Variants in FAF1 observed in about 807,000 individuals in gnomAD.
The protein encoded by FAF1 is Fas associated factor 1, also known as FAS-associated factor 1.
In FAF1, 25 loss-of-function variants were observed where a neutral mutation model predicts 92.5. That is an observed-to-expected ratio of 0.27 (90% CI 0.20 to 0.38). The LOEUF is 0.38. Among genes scored for constraint, FAF1 ranks in the 10% least tolerant of loss-of-function variants. The probability of loss-of-function intolerance (pLI) is 1.00; values close to 1 mark genes in which losing one functional copy is unlikely to be tolerated. For synonymous variants in FAF1, 234 were observed against 273.2 expected (o/e 0.86, Z 1.42); for missense variants, 636 against 793.3 (o/e 0.80, Z 2.38).
intron 9 of FAF1, among the ~76,000 whole-genome samples, chr1:50,588,600 G>A (rs991905819): frequency 6.6e-6 from 1 of 152,062 alleles, no homozygotes; most frequent in Non-Finnish European, 1.5e-5. Flanking sequence ...ACCAAGTGGT[G>A]TGTGTGTGTG....
At chr1:50,768,014 A>G (rs1278893833) in intron 4 of FAF1, among the ~76,000 whole-genome samples, 5 of 152,252 alleles carry the variant, frequency 3.3e-5, no homozygotes, top group Non-Finnish European at 7.3e-5. Context: ...AGTTAGATAC[A>G]GAAGAAAGAC....
chr1:50,599,972 C>G (rs1039198480), intron 8 of FAF1, among the ~76,000 whole-genome samples: 2 of 152,098 alleles, frequency 1.3e-5, no homozygotes, highest in Non-Finnish European at 2.9e-5. Context: ...CTCCAATGAG[C>G]ATTTCCTTTT....
intron 8 of FAF1, among the ~76,000 whole-genome samples, chr1:50,628,189 A>G (rs1408932507): frequency 6.6e-6 from 1 of 152,204 alleles, no homozygotes; most frequent in Non-Finnish European, 1.5e-5. Context: ...TTTCTAGTAC[A>G]ATGAGATCAA....
intron 7 of FAF1, among the ~76,000 whole-genome samples, chr1:50,688,538 C>A (rs576510667): frequency 6.6e-6 from 1 of 152,144 alleles, no homozygotes; most frequent in Admixed American, 6.6e-5. Flanking sequence ...TCCGGCCAGG[C>A]GCGGTGGCTC....
intron 9 of FAF1, 85 bp downstream of exon 9, chr1:50,596,036 C>T: frequency 2.4e-6 from 2 of 845,164 alleles, no homozygotes; most frequent in Non-Finnish European, 3.9e-6. Context: ...CTGTTCATTG[C>T]TCTGGCAGAT....
intron 4 of FAF1, among the ~76,000 whole-genome samples, chr1:50,787,578 T>C (rs1661407021): frequency 6.6e-6 from 1 of 152,150 alleles, no homozygotes; most frequent in Admixed American, 6.5e-5. Flanking sequence ...CCTCCAGAAA[T>C]GTGAGAAAAT....
intron 1 of FAF1, among the ~76,000 whole-genome samples, chr1:50,876,239 A>G (rs1054613928): frequency 2.0e-5 from 3 of 152,240 alleles, no homozygotes; most frequent in African/African-American, 7.2e-5. Flanking sequence ...CAGAGAAAAC[A>G]TTATGGCCAA....
intron 15 of FAF1, among the ~76,000 whole-genome samples, chr1:50,500,302 TG>T (rs1646968620): frequency 2.6e-5 from 4 of 152,244 alleles, no homozygotes; most frequent in Admixed American, 2.0e-4. Context: ...TGTATGGTAC[TG>T]TTGTAAAGAC....
In FAF1 at chr1:50,895,317, G is replaced by A. The variant is rs561779991; in HGVS notation, c.46-37320C>T. ...ACCACCTACCAAGACTGAACCCTGGGGAAATCCAAAATGTGAATAGACCAG... is the reference window on the plus strand; with the variant it reads ...ACCACCTACCAAGACTGAACCCTGGAGAAATCCAAAATGTGAATAGACCAG... On this transcript the variant is annotated intron_variant, in intron 1 of 18. Transcript: ENST00000396153. Among the ~76,000 whole-genome samples, 6 of 152,140 alleles carry A rather than the reference G, an allele frequency of 3.9e-5. No homozygotes were observed. In the East Asian group the frequency reaches 1.2e-3, roughly 29 times the overall value.
chr1:50,873,143 A>G (rs1039781468), intron 1 of FAF1, among the ~76,000 whole-genome samples: 3 of 152,176 alleles, frequency 2.0e-5, no homozygotes, highest in Non-Finnish European at 4.4e-5. Flanking sequence ...ATTTTTTTTA[A>G]CAATAAAGTG....
chr1:50,643,866 T>C (rs1472183670), intron 8 of FAF1, among the ~76,000 whole-genome samples: 1 of 152,250 alleles, frequency 6.6e-6, no homozygotes, highest in Non-Finnish European at 1.5e-5. Flanking sequence ...GTGCTGGGAT[T>C]ACAGACAAGA....
chr1:50,615,824 GTTTA>G (rs1652890956), intron 8 of FAF1, among the ~76,000 whole-genome samples: 1 of 152,096 alleles, frequency 6.6e-6, no homozygotes, highest in South Asian at 2.1e-4. Context: ...TCCGTCAATA[GTTTA>G]TTTTTCTGTG....
chr1:50,645,399 C>A (rs1654533478), intron 8 of FAF1, among the ~76,000 whole-genome samples: 1 of 152,210 alleles, frequency 6.6e-6, no homozygotes, highest in Non-Finnish European at 1.5e-5. Flanking sequence ...AGACATTACA[C>A]CAGGGGTTGG....
chr1:50,484,363 G>C (rs1268364824), intron 17 of FAF1, among the ~76,000 whole-genome samples: 1 of 152,180 alleles, frequency 6.6e-6, no homozygotes, highest in Admixed American at 6.5e-5. Flanking sequence ...ACACCATGAA[G>C]CTAGAATTTC....
chr1:50,719,864 T>C (rs1226164593), intron 6 of FAF1, among the ~76,000 whole-genome samples: 4 of 152,218 alleles, frequency 2.6e-5, no homozygotes, highest in Non-Finnish European at 4.4e-5. Flanking sequence ...GGCAATAAAC[T>C]GTATAAATGG....
chr1:50,460,719 A>T (rs1297466871), intron 18 of FAF1, among the ~76,000 whole-genome samples: 1 of 151,036 alleles, frequency 6.6e-6, no homozygotes, highest in Admixed American at 6.6e-5. Context: ...ATGTAGCCTC[A>T]ACCTCCCAGA....
At position 50,694,015 on chromosome 1, in the gene FAF1, CAT is replaced by C. The variant is rs953334724; in HGVS notation, c.657+11769_657+11770del. Among the ~76,000 whole-genome samples, 82 of 151,832 alleles carry C rather than the reference CAT, an allele frequency of 5.4e-4. 1 individual carries two copies. Among genetic ancestry groups the C allele is most frequent in the Non-Finnish European group, 8.7e-4 (59 of 67,936 alleles). On this transcript the variant is annotated intron_variant, in intron 7 of 18. Coordinates refer to ENST00000396153, the MANE Select transcript of FAF1 (RefSeq NM_007051.3). Reference sequence around the variant, plus strand: ...TATGTGTCATTATATATATACATGACATATATGACATATATATGACATATACA... The same window carrying C: ...TATGTGTCATTATATATATACATGACATATGACATATATATGACATATACA...
intron 15 of FAF1, among the ~76,000 whole-genome samples, chr1:50,513,456 CT>C: frequency 6.6e-6 from 1 of 152,260 alleles, no homozygotes; most frequent in South Asian, 2.1e-4. Flanking sequence ...CGCCATTGCA[CT>C]CCAGTCTGGG....
rs183206764 is a variant in FAF1, at chr1:50,670,366, G to A, written c.658-14838C>T. Among the ~76,000 whole-genome samples the A allele has an allele frequency of 1.4e-3, 213 of 152,034 alleles. 2 individuals are homozygous for A. Among genetic ancestry groups the A allele is most frequent in the African/African-American group, 5.0e-3 (208 of 41,482 alleles). On this transcript the variant is annotated intron_variant, in intron 7 of 18. Coordinates refer to ENST00000396153, the MANE Select transcript of FAF1 (RefSeq NM_007051.3). ...ACCTCCCAAAGTGCTGGGATTACAG[G>A]TGTGAGCCACGGCGCCTGGCCAGCA...
Sources: allele counts gnomAD v4.1 joint callset (sites outside exome capture counted in the v4.1 genomes callset), GRCh38; gene constraint gnomAD v4.1.1; transcripts MANE v1.5; gene names NCBI Gene and HGNC (gene_info 2026-07-23, HGNC 2026-07-21).